MAPK8: variants seen among roughly 807,000 people sequenced by gnomAD.
MAPK8 encodes mitogen-activated protein kinase 8, also known as JUN N-terminal kinase.
MAPK8 carries 13 observed loss-of-function variants against 52.9 expected under a neutral mutation model. The ratio of observed to expected loss-of-function variants is 0.25; its 90% CI spans 0.16 to 0.39. MAPK8 has a LOEUF of 0.39. MAPK8 is among the 10% of genes least tolerant of loss of function. The pLI, the probability that MAPK8 is intolerant of heterozygous loss-of-function variation, is 1.00. For synonymous variants in MAPK8, 191 were observed against 169.8 expected (o/e 1.12, Z -0.97); for missense variants, 300 against 519.2 (o/e 0.58, Z 4.10).
intron 11 of MAPK8, among the ~76,000 whole-genome samples, chr10:48,433,513 T>G (rs1412392728): frequency 6.6e-6 from 1 of 152,178 alleles, no homozygotes; most frequent in Non-Finnish European, 1.5e-5. Context: ...TAATGGACCT[T>G]TCTTGGGTCT....
intron 6 of MAPK8, among the ~76,000 whole-genome samples, chr10:48,422,059 G>T (rs2043399600): frequency 6.8e-6 from 1 of 147,154 alleles, no homozygotes; most frequent in African/African-American, 2.5e-5. Context: ...TTGAGATGGA[G>T]TCTCACTCTG....
intron 6 of MAPK8, among the ~76,000 whole-genome samples, chr10:48,421,841 G>C (rs761745750): frequency 7.9e-5 from 12 of 151,862 alleles, no homozygotes; most frequent in African/African-American, 2.2e-4. Flanking sequence ...CTGACATATG[G>C]TTCCTCTTTA....
intron 6 of MAPK8, among the ~76,000 whole-genome samples, chr10:48,421,328 A>G (rs1425884950): frequency 6.6e-6 from 1 of 152,112 alleles, no homozygotes; most frequent in Non-Finnish European, 1.5e-5. Flanking sequence ...CTTACACTCT[A>G]CCTGAAATTT....
At chr10:48,322,633 G>A (rs1402940874) in intron 1 of MAPK8, among the ~76,000 whole-genome samples, 1 of 151,984 alleles carries the variant, frequency 6.6e-6, no homozygotes, top group African/African-American at 2.4e-5. Context: ...AGCCCCACAT[G>A]CCCCCACCCT....
chr10:48,345,098 T>A (rs1845645516), intron 1 of MAPK8, among the ~76,000 whole-genome samples: 1 of 152,166 alleles, frequency 6.6e-6, no homozygotes, highest in African/African-American at 2.4e-5. Context: ...GCAGAAAACA[T>A]TAAACAGAAA....
chr10:48,361,917 GCTT>G (rs536140365), intron 1 of MAPK8, among the ~76,000 whole-genome samples: 1 of 152,090 alleles, frequency 6.6e-6, no homozygotes, highest in Non-Finnish European at 1.5e-5. Flanking sequence ...TTGAGTTCTA[GCTT>G]CTTCCTCATT....
chr10:48,373,571 CAAAAAAAAAAAAA>C (rs539162576), intron 1 of MAPK8, among the ~76,000 whole-genome samples: 283 of 16,856 alleles, frequency 0.017, 12 homozygotes, highest in African/African-American at 0.04. Flanking sequence ...AAATTGAAAG[CAAAAAAAAAAAAA>C]AAAAAAAAAA....
At chr10:48,411,687 T>A (rs756289493) in intron 5 of MAPK8, among the ~76,000 whole-genome samples, 4 of 152,244 alleles carry the variant, frequency 2.6e-5, no homozygotes, top group Non-Finnish European at 4.4e-5. Flanking sequence ...TCATTGCATC[T>A]GTAGATTGCT....
At chr10:48,339,813 A>C (rs1221318192) in intron 1 of MAPK8, among the ~76,000 whole-genome samples, 2 of 152,252 alleles carry the variant, frequency 1.3e-5, no homozygotes, top group African/African-American at 4.8e-5. Flanking sequence ...GTGCAACATC[A>C]CTAATCATCA....
At chr10:48,354,834 C>T (rs1206252640) in intron 1 of MAPK8, among the ~76,000 whole-genome samples, 1 of 152,026 alleles carries the variant, frequency 6.6e-6, no homozygotes, top group Admixed American at 6.6e-5. Context: ...ATAATTTATC[C>T]CCATAATGGC....
intron 1 of MAPK8, among the ~76,000 whole-genome samples, chr10:48,386,945 G>A (rs999912815): frequency 2.6e-5 from 4 of 152,208 alleles, no homozygotes; most frequent in Non-Finnish European, 2.9e-5. Flanking sequence ...CTGATTTCAT[G>A]TGTCTGGCGC....
intron 5 of MAPK8, 94 bp from the exon 6 acceptor site, chr10:48,420,061 T>C (rs1351022612): frequency 1.1e-6 from 1 of 906,024 alleles, no homozygotes; most frequent in African/African-American, 1.7e-5. Context: ...ACAATTAACA[T>C]GAATGTTTTG....
chr10:48,334,400 C>G (rs2132277511), intron 1 of MAPK8, among the ~76,000 whole-genome samples: 2 of 152,266 alleles, frequency 1.3e-5, no homozygotes, highest in Middle Eastern at 6.8e-3. Flanking sequence ...GATTGGGACT[C>G]TGCACTTGCC....
chr10:48,357,547 C>A (rs1326121993), intron 1 of MAPK8, among the ~76,000 whole-genome samples: 1 of 152,032 alleles, frequency 6.6e-6, no homozygotes, highest in African/African-American at 2.4e-5. Context: ...TAGATACATG[C>A]CACCACACCT....
intron 1 of MAPK8, among the ~76,000 whole-genome samples, chr10:48,318,110 A>C (rs944320565): frequency 6.6e-6 from 1 of 152,060 alleles, no homozygotes; most frequent in Non-Finnish European, 1.5e-5. Flanking sequence ...TGTTTTTGTG[A>C]GGGCTGGCAA....
At chr10:48,327,484 C>G (rs1386042776) in intron 1 of MAPK8, among the ~76,000 whole-genome samples, 1 of 152,122 alleles carries the variant, frequency 6.6e-6, no homozygotes, top group African/African-American at 2.4e-5. Context: ...ATTCAATTTA[C>G]TAATATTTTG....
intron 1 of MAPK8, among the ~76,000 whole-genome samples, chr10:48,389,590 TGAGAG>T (rs943692421): frequency 3.3e-5 from 5 of 152,294 alleles, no homozygotes; most frequent in South Asian, 2.1e-4. Flanking sequence ...AACTACTCCT[TGAGAG>T]GAGAAAGACA....
At chr10:48,428,599 A>C (rs79483725) in intron 10 of MAPK8, among the ~76,000 whole-genome samples, 5 of 152,224 alleles carry the variant, frequency 3.3e-5, no homozygotes, top group Non-Finnish European at 7.3e-5. Context: ...TGGGAAACCC[A>C]TGGTTAGCAG....
chr10:48,376,454 G>C (rs1484468594), intron 1 of MAPK8, among the ~76,000 whole-genome samples: 1 of 152,132 alleles, frequency 6.6e-6, no homozygotes, highest in Non-Finnish European at 1.5e-5. Flanking sequence ...GCAGCCTACA[G>C]AATGGGAGAA....
Sources: allele counts gnomAD v4.1 joint callset (sites outside exome capture counted in the v4.1 genomes callset), GRCh38; gene constraint gnomAD v4.1.1; transcripts MANE v1.5; gene names NCBI Gene and HGNC (gene_info 2026-07-23, HGNC 2026-07-21).